Variants in PEG3 observed in about 807,000 individuals in gnomAD.
The protein encoded by PEG3 is paternally expressed 3.
In PEG3, 23 loss-of-function variants were observed where a neutral mutation model predicts 35.5. The ratio of observed to expected loss-of-function variants is 0.65; its 90% CI spans 0.47 to 0.92. The LOEUF (loss-of-function observed/expected upper bound fraction) is 0.92. Among genes scored for constraint, PEG3 ranks in the 40% least tolerant of loss-of-function variants. The pLI, the probability that PEG3 is intolerant of heterozygous loss-of-function variation, is 0.00. For synonymous variants in PEG3, 707 were observed against 697.0 expected (o/e 1.01, Z -0.23); for missense variants, 1,960 against 1,985.3 (o/e 0.99, Z 0.24).
Position 56,810,923 on chromosome 19 carries a change from T to C in PEG3, c.*2752A>G. Reference sequence around the variant, plus strand: ...ATAATACACTGTTATCAGGACATTATTATAGGGAACATTTGAAAAAATTAA... The same window carrying C: ...ATAATACACTGTTATCAGGACATTACTATAGGGAACATTTGAAAAAATTAA... On this transcript the variant is annotated 3_prime_UTR_variant, in exon 10 of 10. Transcript: ENST00000326441. The C allele has an allele frequency of 2.1e-6, 2 of 965,968 alleles. No individual in the cohort carries two copies. Among genetic ancestry groups the C allele is most frequent in the Non-Finnish European group, 2.5e-6 (2 of 812,236 alleles). 59.8% of individuals were successfully genotyped at this position (965,968 alleles called of 1,614,324 possible).
At position 56,824,802 on chromosome 19, in the gene PEG3, G is replaced by A. The variant is rs551706037; in HGVS notation, c.-86-61C>T. ...AGTTGAAGACCAGGCAGCAGTGGAG[G>A]CCACCTTACCAGAGGCATCGACAAT... On this transcript the variant is annotated intron_variant, in intron 3 of 9. Transcript: ENST00000326441. The A allele has an allele frequency of 5.6e-6, 4 of 714,166 alleles. No individual in the cohort carries two copies. The East Asian group carries it at 1.1e-4, about 19-fold the overall frequency. 44.2% of individuals were successfully genotyped at this position (714,166 alleles called of 1,614,324 possible).
chr19:56,814,268 C>T lies in PEG3; in HGVS notation c.4174G>A (p.Val1392Ile), dbSNP rs200313795. The T allele has an allele frequency of 2.2e-5, 35 of 1,613,834 alleles. No individual in the cohort carries two copies. The African/African-American group carries it at 2.3e-4, about 10-fold the overall frequency. ...TCCACTTCTGGCTCAGCAGCCTCTA[C>T]GTTTAAGCCCTGAATCCTCAGAACT... Reference protein sequence around the residue: ...QVVLRIQGLNVEAAEPEVEAA... With the variant: ...QVVLRIQGLNIEAAEPEVEAA... The change falls in exon 10 of 10, where the codon GTA (valine) becomes ATA (isoleucine). Residue 1392 changes from valine to isoleucine, a missense_variant. By Grantham distance (29) the Val-to-Ile change is conservative. Transcript: ENST00000326441. The surrounding 1 kb of genome is among the most constrained non-coding windows in gnomAD (Gnocchi z 5.8).
rs2060830792 is a variant in PEG3 at position 56,824,554 on chromosome 19, G to T, written c.102C>A (p.Ile34=). Residue 34 remains isoleucine, a synonymous_variant, in exon 4 of 10, where the codon ATC becomes ATA. Coordinates refer to ENST00000326441, the MANE Select transcript of PEG3 (RefSeq NM_006210.3). ...DSDLTKEPDV[I]IGEGPTDSEF... is the part of the protein sequence containing the mutation. ...CAGAGTCAGTTGGACCTTCTCCTAT[G>T]ATGACATCCGGCTCCTTAGTCAAGT... 2 of 1,614,042 alleles carry T rather than the reference G, an allele frequency of 1.2e-6. No individual in the cohort carries two copies. The highest frequency in any genetic ancestry group is 1.7e-6 in the Non-Finnish European group (2 of 1,180,036).
intron 4 of PEG3, among the ~76,000 whole-genome samples, chr19:56,823,900 C>A (rs943764765): frequency 4.6e-5 from 7 of 152,136 alleles, no homozygotes; most frequent in African/African-American, 1.4e-4. Context: ...CCGACCTCAC[C>A]CCCAGACACA....
intron 2 of PEG3, among the ~76,000 whole-genome samples, chr19:56,829,100 C>G (rs956457229): frequency 6.6e-6 from 1 of 152,074 alleles, no homozygotes; most frequent in African/African-American, 2.4e-5. Flanking sequence ...CCTGTAATCC[C>G]AGCACTTTGG....
At chr19:56,839,742 C>T (rs1028015313) in intron 1 of PEG3, among the ~76,000 whole-genome samples, 6 of 152,218 alleles carry the variant, frequency 3.9e-5, no homozygotes, top group African/African-American at 1.4e-4. Context: ...AGCTTTGCCT[C>T]GCCCCATCTG....
intron 1 of PEG3, among the ~76,000 whole-genome samples, chr19:56,836,484 C>T (rs1429799163): frequency 6.6e-6 from 1 of 152,124 alleles, no homozygotes; most frequent in Non-Finnish European, 1.5e-5. Flanking sequence ...CCCTTTATCA[C>T]GTAAAATATT....
chr19:56,815,719 A>G lies in PEG3; in HGVS notation c.2723T>C (p.Val908Ala). 1 of 1,614,198 alleles carries G rather than the reference A, an allele frequency of 6.2e-7. No individual in the cohort carries two copies. Among genetic ancestry groups the G allele is most frequent in the South Asian group, 1.1e-5 (1 of 91,084 alleles). Residue 908 changes from valine (V) to alanine (A), a missense_variant, in exon 10 of 10, where the codon GTT (valine) becomes GCT (alanine). Physicochemically the swap from Val to Ala is moderately conservative, Grantham distance 64. Transcript: ENST00000326441. ...AAACTCACCAGATCCCTCTCCAGGA[A>G]CACTTTTCTGAGGTTTGGCACGGAA... ...SVFRAKPQKS[V>A]PGEGSGEFKK...
At position 56,810,809 on chromosome 19, in the gene PEG3, T is replaced by C. The variant is rs138560597; in HGVS notation, c.*2866A>G. On this transcript the variant is annotated 3_prime_UTR_variant, in exon 10 of 10. Coordinates refer to ENST00000326441, the MANE Select transcript of PEG3 (RefSeq NM_006210.3). ...AGATGTTAGCAGTAGTTGTTAGGTG[T>C]TGGGAATATAGGTAATTTTTTAAAA... 4 of 973,584 alleles carry C rather than the reference T, an allele frequency of 4.1e-6. No homozygotes were observed. The highest frequency in any genetic ancestry group is 1.1e-4 in the East Asian group (1 of 8,772). The allele number at this position is 973,584 out of a possible 1,614,324, so 60.3% of individuals were successfully genotyped here. A position where few individuals can be genotyped will look rare whatever the true frequency, so the allele number is the denominator to read the frequency against.
Position 56,813,607 on chromosome 19 carries a change from T to C in PEG3, c.*68A>G. On this transcript the variant is annotated 3_prime_UTR_variant, in exon 10 of 10. Transcript: ENST00000326441. ...CCTACTGACATTATCATGGATTGGT[T>C]TGGATTCTCTGTGGTTTGGTAAGGG... 1 of 1,530,210 alleles carries C rather than the reference T, an allele frequency of 6.5e-7. No homozygotes were observed. The highest frequency in any genetic ancestry group is 8.8e-7 in the Non-Finnish European group (1 of 1,136,010). The allele number at this position is 1,530,210 out of a possible 1,614,324, so 94.8% of individuals were successfully genotyped here. A position where few individuals can be genotyped will look rare whatever the true frequency, so the allele number is the denominator to read the frequency against.
chr19:56,829,015 T>C (rs2061326077), intron 2 of PEG3, among the ~76,000 whole-genome samples: 1 of 151,830 alleles, frequency 6.6e-6, no homozygotes, highest in Non-Finnish European at 1.5e-5. Context: ...TAAGAACAAA[T>C]ATAGCCAAGT....
rs368187047 is a variant in PEG3 at position 56,816,010 on chromosome 19, T to C, written c.2432A>G (p.Asp811Gly). 6.3e-7 allele frequency: 1 copy of C among 1,589,572 alleles called. No individual in the cohort carries two copies. Among genetic ancestry groups the C allele is most frequent in the South Asian group, 1.2e-5 (1 of 86,332 alleles). ...VMAESTIQSFDAINHQRVRAG... is the reference protein window; with the variant it reads ...VMAESTIQSFGAINHQRVRAG... ...ACGAACTCTCTGATGGTTGATAGCA[T>C]CGAAGCTCTGAATGGTAGACTCTGC... The change falls in exon 10 of 10, where the codon GAT becomes GGT. Residue 811 changes from aspartate to glycine, a missense_variant. This residue lies in a region of PEG3 where 798 missense variants were observed against 782.4 expected (regional missense o/e 1.02). Coordinates refer to ENST00000326441, the MANE Select transcript of PEG3 (RefSeq NM_006210.3).
At chr19:56,821,128 G>A (rs1435222327) in intron 7 of PEG3, among the ~76,000 whole-genome samples, 2 of 152,246 alleles carry the variant, frequency 1.3e-5, no homozygotes, top group African/African-American at 4.8e-5. Context: ...ATGTGTGTGA[G>A]TGACTTTTCA....
intron 1 of PEG3, among the ~76,000 whole-genome samples, chr19:56,838,100 A>C (rs1428528774): frequency 6.6e-6 from 1 of 152,196 alleles, no homozygotes; most frequent in Non-Finnish European, 1.5e-5. Context: ...GCCAGCAAAG[A>C]TGATGCCACA....
rs984331791 is a variant in PEG3 at position 56,814,644 on chromosome 19, G to A, written c.3798C>T (p.Gly1266=). 6.2e-7 allele frequency: 1 copy of A among 1,614,162 alleles called. No homozygotes were observed. The highest frequency in any genetic ancestry group is 1.3e-5 in the African/African-American group (1 of 75,060). ...SQMAEEAIIP[G]LALTEFQRSQ... is the part of the protein sequence containing the mutation. ...TTCTCTGAAACTCAGTGAGGGCTAA[G>A]CCTGGAATGATAGCTTCCTCAGCCA... is the stretch of plus-strand genomic sequence containing the variant. The change falls in exon 10 of 10, where the codon GGC becomes GGT. Residue 1266 remains glycine (G), a synonymous_variant. Coordinates refer to ENST00000326441, the MANE Select transcript of PEG3 (RefSeq NM_006210.3). This position sits in a 1 kb window ranked among gnomAD's most constrained non-coding sequence, Gnocchi z 5.8.
chr19:56,839,629 G>A (rs1304207270), intron 1 of PEG3, among the ~76,000 whole-genome samples: 5 of 151,162 alleles, frequency 3.3e-5, no homozygotes, highest in Non-Finnish European at 7.4e-5. Context: ...CAATCAACTA[G>A]AACAGCGCCT....
chr19:56,836,639 G>A (rs1186332303), intron 1 of PEG3, among the ~76,000 whole-genome samples: 1 of 152,150 alleles, frequency 6.6e-6, no homozygotes, highest in East Asian at 1.9e-4. Flanking sequence ...CAAGAGTCAG[G>A]TGGGCATATT....
intron 7 of PEG3, among the ~76,000 whole-genome samples, 176 bp downstream of exon 7, chr19:56,821,475 C>T (rs2060480935): frequency 6.6e-6 from 1 of 152,182 alleles, no homozygotes; most frequent in Admixed American, 6.5e-5. Flanking sequence ...AAACAGCCAG[C>T]AGCAACCTGG....
chr19:56,810,212 G>T lies in PEG3; in HGVS notation c.*3463C>A. On this transcript the variant is annotated 3_prime_UTR_variant, in exon 10 of 10. Transcript: ENST00000326441. ...TATCAAGATGTTAACCACACTCTTT[G>T]GATGGTGAAAACATGGGTGAGTTTC... The T allele has an allele frequency of 1.0e-6, 1 of 982,306 alleles. No homozygotes were observed. The highest frequency in any genetic ancestry group is 1.2e-6 in the Non-Finnish European group (1 of 827,218). 60.8% of individuals were successfully genotyped at this position (982,306 alleles called of 1,614,324 possible).
Sources: allele counts gnomAD v4.1 joint callset (sites outside exome capture counted in the v4.1 genomes callset), GRCh38; gene constraint gnomAD v4.1.1; regional missense constraint gnomAD v4.1.1; non-coding constraint Gnocchi (gnomAD v3.1); transcripts MANE v1.5; gene names NCBI Gene and HGNC (gene_info 2026-07-23, HGNC 2026-07-21).